The following COL6A2 variants were observed in gnomAD, a reference collection of about 807,000 sequenced individuals.
The protein encoded by COL6A2 is collagen type VI alpha 2 chain, also known as collagen alpha-2(VI) chain.
Under a neutral mutation model 124.9 loss-of-function variants are expected in COL6A2, and 90 were observed. The ratio of observed to expected loss-of-function variants is 0.72; its 90% CI spans 0.61 to 0.86. COL6A2 has a LOEUF of 0.86. Ranked by LOEUF, COL6A2 falls within the 40% of genes least tolerant of loss-of-function variation. The pLI is 0.00. For missense variants in COL6A2, 1,607 were observed against 1,502.5 expected (o/e 1.07, Z -1.15); for synonymous variants, 793 against 618.2 (o/e 1.28, Z -4.19).
intron 1 of COL6A2, among the ~76,000 whole-genome samples, chr21:46,101,977 A>C (rs920116601): frequency 6.0e-5 from 9 of 149,988 alleles, no homozygotes; most frequent in African/African-American, 2.2e-4. Context: ...ATTACATTAA[A>C]CCTCTAGATC....
intron 1 of COL6A2, among the ~76,000 whole-genome samples, chr21:46,100,021 A>G (rs760873271): frequency 9.4e-5 from 14 of 149,214 alleles, no homozygotes; most frequent in Non-Finnish European, 1.5e-4. Context: ...GACCGTGTGT[A>G]GTGATGTGCA....
chr21:46,108,565 C>A (rs528274870), intron 1 of COL6A2, among the ~76,000 whole-genome samples: 114 of 152,270 alleles, frequency 7.5e-4, no homozygotes, highest in African/African-American at 2.6e-3. Flanking sequence ...AAATTTCTTA[C>A]TAGGTTTTAC....
rs1339393899 is a variant in COL6A2 at position 46,132,129 on chromosome 21, G to A, written c.2637G>A (p.Leu879=). The A allele has an allele frequency of 1.3e-6, 2 of 1,578,274 alleles. No individual in the cohort carries two copies. Among genetic ancestry groups the A allele is most frequent in the Non-Finnish European group, 8.6e-7 (1 of 1,164,704 alleles). Residue 879 remains leucine, a synonymous_variant, in exon 28 of 28, where the codon CTG becomes CTA. Coordinates refer to ENST00000300527, the MANE Select transcript of COL6A2 (RefSeq NM_001849.4). ...DDDPLNARVA[L]LQFGGPGEQQ... ...ACCCTCTCAACGCACGCGTGGCGCT[G>A]CTGCAGTTTGGTGGCCCCGGCGAGC...
Position 46,116,802 on chromosome 21 carries a change from C to G in COL6A2, c.987C>G (p.Thr329=). The G allele has an allele frequency of 6.2e-7, 1 of 1,612,892 alleles. No individual in the cohort carries two copies. The highest frequency in any genetic ancestry group is 8.5e-7 in the Non-Finnish European group (1 of 1,179,990). Residue 329 remains threonine, a synonymous_variant, in exon 10 of 28, where the codon ACC becomes ACG. Coordinates refer to ENST00000300527, the MANE Select transcript of COL6A2 (RefSeq NM_001849.4). The surrounding 1 kb of genome is among the most constrained non-coding windows in gnomAD (Gnocchi z 4.6). Reference sequence around the variant, plus strand: ...CTGGCCTGGCTGGCAAGAACGGGACCGATGGACAGAAGGTAGAGGGAGCCT... The same window carrying G: ...CTGGCCTGGCTGGCAAGAACGGGACGGATGGACAGAAGGTAGAGGGAGCCT... ...GAPGLAGKNG[T]DGQKGKLGRI...
intron 27 of COL6A2, among the ~76,000 whole-genome samples, chr21:46,126,790 C>T (rs992264633): frequency 6.6e-6 from 1 of 152,150 alleles, no homozygotes; most frequent in Middle Eastern, 3.2e-3. Flanking sequence ...GCTAGCCTGG[C>T]GCTGTGCTCG....
At position 46,125,304 on chromosome 21, in the gene COL6A2, G is replaced by A. The variant is rs767902639; in HGVS notation, c.1809G>A (p.Gly603=). 6 of 1,611,166 alleles carry A rather than the reference G, an allele frequency of 3.7e-6. No individual in the cohort carries two copies. In the African/African-American group the frequency reaches 8.0e-5, roughly 22 times the overall value. The change falls in exon 24 of 28, where the codon GGG becomes GGA. Residue 603 remains glycine, a synonymous_variant. Transcript: ENST00000300527. ...TGACCTACGTGAGGGAGACCTGCGG[G>A]TGCTGCGGTGAGGCACTGCCCACGG... is the stretch of plus-strand genomic sequence containing the variant. ...DVMTYVRETC[G]CCDCEKRCGA... is the part of the protein sequence containing the mutation.
rs767423601 is a variant in COL6A2 at position 46,125,503 on chromosome 21, GTCA to G, written c.1858_1860del (p.Ile620del). Reference sequence around the variant, plus strand: ...CTGTGGCGCCCTGGACGTGGTCTTCGTCATCGACAGCTCCGAGAGCATTGGGTA... The same window carrying G: ...CTGTGGCGCCCTGGACGTGGTCTTCGTCGACAGCTCCGAGAGCATTGGGTA... On this transcript the variant is annotated inframe_deletion, in exon 25 of 28. Coordinates refer to ENST00000300527, the MANE Select transcript of COL6A2 (RefSeq NM_001849.4). 5.0e-6 allele frequency: 8 copies of G among 1,612,964 alleles called. No individual in the cohort carries two copies. The highest frequency in any genetic ancestry group is 5.9e-6 in the Non-Finnish European group (7 of 1,179,972).
rs1012567148 is a variant in COL6A2 at position 46,132,119 on chromosome 21, G to A, written c.2627G>A (p.Arg876His). The A allele has an allele frequency of 1.8e-5, 28 of 1,581,322 alleles. No individual in the cohort carries two copies. Among genetic ancestry groups the A allele is most frequent in the African/African-American group, 4.1e-5 (3 of 74,018 alleles). The change falls in exon 28 of 28, where the codon CGC (arginine) becomes CAC (histidine). Residue 876 changes from arginine (R) to histidine (H), a missense_variant. Arg to His is a conservative substitution (Grantham distance 29). Coordinates refer to ENST00000300527, the MANE Select transcript of COL6A2 (RefSeq NM_001849.4). ...ARRDDDPLNA[R>H]VALLQFGGPG... ...AGGGACGACGACCCTCTCAACGCACGCGTGGCGCTGCTGCAGTTTGGTGGC... is the reference window on the plus strand; with the variant it reads ...AGGGACGACGACCCTCTCAACGCACACGTGGCGCTGCTGCAGTTTGGTGGC...
chr21:46,114,765 C>T (rs2078449004), intron 5 of COL6A2, among the ~76,000 whole-genome samples: 2 of 152,290 alleles, frequency 1.3e-5, no homozygotes, highest in East Asian at 3.9e-4. Flanking sequence ...CCTGCATTTT[C>T]CTAACAGAGG....
intron 21 of COL6A2, among the ~76,000 whole-genome samples, 156 bp from the exon 22 acceptor site, chr21:46,124,495 G>A (rs537587766): frequency 3.3e-5 from 5 of 152,054 alleles, no homozygotes; most frequent in South Asian, 2.1e-4. Flanking sequence ...CCAGCATAGG[G>A]AAGGAGGAGG....
chr21:46,120,755 C>T lies in COL6A2; in HGVS notation c.1395+178C>T, dbSNP rs575106691. Among the ~76,000 whole-genome samples, 10 of 151,420 alleles carry T rather than the reference C, an allele frequency of 6.6e-5. No individual in the cohort carries two copies. The South Asian group carries it at 8.3e-4, about 13-fold the overall frequency. The stretch of plus-strand genomic sequence containing the variant: ...TATACCTCAAGGTAGGGGACCCAGG[C>T]GGGTGCTGCACCCCAAGGTAAGGGA... On this transcript the variant is annotated intron_variant, in intron 16 of 27. Transcript: ENST00000300527.
intron 27 of COL6A2, chr21:46,129,351 GTGC>G: frequency 6.2e-7 from 1 of 1,612,918 alleles, no homozygotes; most frequent in Non-Finnish European, 8.5e-7. Flanking sequence ...GCTGGTGGCC[GTGC>G]TGGTCTACAC....
chr21:46,116,772 G>A lies in COL6A2; in HGVS notation c.957G>A (p.Gly319=). The A allele has an allele frequency of 6.2e-7, 1 of 1,613,080 alleles. No homozygotes were observed. Among genetic ancestry groups the A allele is most frequent in the Admixed American group, 1.7e-5 (1 of 60,018 alleles). The change falls in exon 10 of 28, where the codon GGG becomes GGA. Residue 319 remains glycine (G), a splice_region_variant and synonymous_variant. Coordinates refer to ENST00000300527, the MANE Select transcript of COL6A2 (RefSeq NM_001849.4). The surrounding 1 kb of genome is among the most constrained non-coding windows in gnomAD (Gnocchi z 4.6). The part of the protein sequence containing the change: ...KGEFGADGRK[G]APGLAGKNGT... ...TTCCCTCTTCCTTCTCTCTTCAGGG[G>A]GCCCCTGGCCTGGCTGGCAAGAACG...
intron 1 of COL6A2, among the ~76,000 whole-genome samples, chr21:46,109,065 T>TG (rs1379074318): frequency 8.5e-5 from 13 of 152,226 alleles, no homozygotes; most frequent in Non-Finnish European, 1.2e-4. Context: ...CTGGAGTGGG[T>TG]GGCTCCTCTC....
At chr21:46,099,313 G>A (rs1033944315) in intron 1 of COL6A2, among the ~76,000 whole-genome samples, 1 of 151,988 alleles carries the variant, frequency 6.6e-6, no homozygotes, top group African/African-American at 2.4e-5. Context: ...AAAATTAGCC[G>A]GGCGTGGTGG....
chr21:46,110,628 C>T (rs566086075), intron 1 of COL6A2, among the ~76,000 whole-genome samples: 6 of 152,274 alleles, frequency 3.9e-5, no homozygotes, highest in East Asian at 1.9e-4. Context: ...CCCCTAGTCC[C>T]GGTGCTTGGA....
chr21:46,119,241 C>G (rs1032736744), intron 14 of COL6A2, 122 bp downstream of exon 14: 15 of 784,772 alleles, frequency 1.9e-5, no homozygotes, highest in Middle Eastern at 3.6e-4. Context: ...AAGGCACAGC[C>G]AGGCCCCCAT....
At position 46,122,183 on chromosome 21, in the gene COL6A2, C is replaced by T. The variant is rs201852553; in HGVS notation, c.1572+25C>T. ...CGTGAGTCACAGCCTGGGATGGCAG[C>T]TCCCAGGAGTGGGTGGACATTGTCC... On this transcript the variant is annotated intron_variant, in intron 19 of 27. Transcript: ENST00000300527. The T allele has an allele frequency of 5.7e-5, 92 of 1,610,916 alleles. No homozygotes were observed. The East Asian group carries it at 9.4e-4, about 16-fold the overall frequency.
rs59060956 is a variant in COL6A2 at position 46,116,926 on chromosome 21, T to TACACACACACACAC, written c.999+129_999+142dup. ...CAGCTTACACATGTGTACACACGCATACACACACACACACACACACACACA... is the reference window on the plus strand; with the variant it reads ...CAGCTTACACATGTGTACACACGCATACACACACACACACACACACACACACACACACACACACA... On this transcript the variant is annotated intron_variant, in intron 10 of 27. Coordinates refer to ENST00000300527, the MANE Select transcript of COL6A2 (RefSeq NM_001849.4). The surrounding 1 kb of genome is among the most constrained non-coding windows in gnomAD (Gnocchi z 4.6). The TACACACACACACAC allele has an allele frequency of 8.4e-4, 535 of 639,226 alleles. 4 individuals are homozygous for TACACACACACACAC. Among genetic ancestry groups the TACACACACACACAC allele is most frequent in the East Asian group, 4.2e-3 (151 of 35,564 alleles). The allele number at this position is 639,226 out of a possible 1,614,324, so 39.6% of individuals were successfully genotyped here.
Sources: allele counts gnomAD v4.1 joint callset (sites outside exome capture counted in the v4.1 genomes callset), GRCh38; gene constraint gnomAD v4.1.1; non-coding constraint Gnocchi (gnomAD v3.1); transcripts MANE v1.5; gene names NCBI Gene and HGNC (gene_info 2026-07-23, HGNC 2026-07-21).